Variants in CLDN16 observed in about 807,000 individuals in gnomAD.
CLDN16 encodes claudin 16.
In CLDN16, 13 loss-of-function variants were observed where a neutral mutation model predicts 24.6. The ratio of observed to expected loss-of-function variants is 0.53; its 90% CI spans 0.34 to 0.84. The LOEUF (loss-of-function observed/expected upper bound fraction) is 0.84. Ranked by LOEUF, CLDN16 falls within the 40% of genes least tolerant of loss-of-function variation. The pLI is 0.01. For missense variants in CLDN16, 298 were observed against 292.7 expected, an observed-to-expected ratio of 1.02 and a Z score of -0.13; for synonymous variants, 116 against 106.7, an observed-to-expected ratio of 1.09 and a Z score of -0.54.
intron 2 of CLDN16, among the ~76,000 whole-genome samples, chr3:190,404,467 A>C (rs988932085): frequency 6.6e-6 from 1 of 152,236 alleles, no homozygotes; most frequent in Admixed American, 6.5e-5. Context: ...AGTAGGAGGC[A>C]AAAAGGAAAA....
chr3:190,381,691 C>G (rs1304864155), intron 3 of CLDN16, among the ~76,000 whole-genome samples: 1 of 151,908 alleles, frequency 6.6e-6, no homozygotes, highest in Non-Finnish European at 1.5e-5. Context: ...TTTGTCACTC[C>G]AGAATGTTTA....
intron 1 of CLDN16, among the ~76,000 whole-genome samples, chr3:190,351,423 T>G (rs1228384166): frequency 6.6e-6 from 1 of 152,144 alleles, no homozygotes; most frequent in Admixed American, 6.6e-5. Context: ...AATCCCATCT[T>G]GAGAGCTGCT....
At chr3:190,312,769 T>G in the CLDN16 span, 3 of 1,299,492 alleles carry the variant, frequency 2.3e-6, no homozygotes, top group African/African-American at 4.4e-5. Flanking sequence ...GTTTGCAGTT[T>G]GCCTTAGAGA....
intron 1 of CLDN16, among the ~76,000 whole-genome samples, chr3:190,340,368 A>G (rs911918173): frequency 6.6e-6 from 1 of 152,184 alleles, no homozygotes; most frequent in Non-Finnish European, 1.5e-5. Context: ...TGCAGCGGGG[A>G]GGCCTCACAA....
At chr3:190,393,243 C>T (rs1410633670) in intron 1 of CLDN16, among the ~76,000 whole-genome samples, 2 of 152,140 alleles carry the variant, frequency 1.3e-5, no homozygotes, top group African/African-American at 4.8e-5. Context: ...TATACAGAAA[C>T]CTTCATGGAG....
chr3:190,402,353 G>A lies in CLDN16; in HGVS notation c.131G>A (p.Arg44Gln), dbSNP rs757395583. Residue 44 changes from arginine to glutamine, a missense_variant, in exon 2 of 5, where the codon CGA becomes CAA. Transcript: ENST00000264734. ...AACATCTAGGTGAGCACAAAATGCC[G>A]AGGCCTCTGGTGGGAATGCGTCACA... The part of the protein sequence containing the change: ...DDSLEVSTKC[R>Q]GLWWECVTNA... 3 of 1,613,928 alleles carry A rather than the reference G, an allele frequency of 1.9e-6. No individual in the cohort carries two copies. Among genetic ancestry groups the A allele is most frequent in the East Asian group, 2.2e-5 (1 of 44,830 alleles).
At chr3:190,322,371 T>TGGGGTC (rs1223184195), upstream of CLDN16, 1 of 679,090 alleles carries the variant, frequency 1.5e-6, no homozygotes, top group East Asian at 2.7e-5. Flanking sequence ...GGGTCGGGGT[T>TGGGGTC]GGGGTCCGCG....
Position 190,408,367 on chromosome 3 carries a change from C to T in CLDN16, c.436C>T (p.Arg146Cys), listed in dbSNP as rs758946923. ...VWYAVDVYVERSTLVLHNIFL... is the reference protein window; with the variant it reads ...VWYAVDVYVECSTLVLHNIFL... The stretch of plus-strand genomic sequence containing the variant: ...GTATGCTGTTGATGTGTATGTGGAA[C>T]GTTCTACTTTGGTTTTGCACAATAT... Residue 146 changes from arginine to cysteine, a missense_variant, in exon 4 of 5, where the codon CGT (arginine) becomes TGT (cysteine). Physicochemically the swap from Arg to Cys is radical, Grantham distance 180. Transcript: ENST00000264734. 5.6e-6 allele frequency: 9 copies of T among 1,614,060 alleles called. No homozygotes were observed. The highest frequency in any genetic ancestry group is 5.0e-5 in the Admixed American group (3 of 60,016).
intron 1 of CLDN16, among the ~76,000 whole-genome samples, chr3:190,352,779 C>G (rs1717695683): frequency 6.8e-6 from 1 of 147,260 alleles, no homozygotes; most frequent in African/African-American, 2.5e-5. Context: ...TATCGGGGCT[C>G]TGTTGTTTTC....
At chr3:190,293,092 T>C in the CLDN16 span, among the ~76,000 whole-genome samples, 1 of 152,220 alleles carries the variant, frequency 6.6e-6, no homozygotes, top group Non-Finnish European at 1.5e-5. Flanking sequence ...AGATGTTTAT[T>C]GGACTCACAG....
At chr3:190,358,665 T>C (rs1717825077) in intron 1 of CLDN16, among the ~76,000 whole-genome samples, 1 of 150,304 alleles carries the variant, frequency 6.7e-6, no homozygotes, top group Admixed American at 6.6e-5. Flanking sequence ...TCCTGCAAAA[T>C]TAAAAAAAAC....
intron 1 of CLDN16, among the ~76,000 whole-genome samples, chr3:190,357,937 A>G (rs9817314): frequency 0.93 from 140,575 of 151,838 alleles, 65,068 homozygotes; most frequent in East Asian, 1. Flanking sequence ...ATTCCTTCAC[A>G]GGAGAGATTG....
chr3:190,409,163 C>T (rs1719195048), intron 4 of CLDN16, among the ~76,000 whole-genome samples: 2 of 150,224 alleles, frequency 1.3e-5, no homozygotes, highest in Admixed American at 1.3e-4. Context: ...TAGGAATACA[C>T]CCATGTATAT....
chr3:190,368,684 A>T (rs1014223120), intron 1 of CLDN16, among the ~76,000 whole-genome samples: 1 of 151,938 alleles, frequency 6.6e-6, no homozygotes, highest in Non-Finnish European at 1.5e-5. Flanking sequence ...TATTTCCTGG[A>T]TGGTTAAATG....
At chr3:190,379,188 A>G (rs1367912873) in intron 3 of CLDN16, among the ~76,000 whole-genome samples, 1 of 152,080 alleles carries the variant, frequency 6.6e-6, no homozygotes, top group African/African-American at 2.4e-5. Flanking sequence ...ATATAAGCTA[A>G]AAAATTCTGA....
At chr3:190,308,617 C>T in the CLDN16 span, among the ~76,000 whole-genome samples, 1 of 151,988 alleles carries the variant, frequency 6.6e-6, no homozygotes, top group Non-Finnish European at 1.5e-5. Flanking sequence ...GTTTATATTG[C>T]AATTGGTGAC....
chr3:190,313,959 T>G, the CLDN16 span, among the ~76,000 whole-genome samples: 1 of 152,178 alleles, frequency 6.6e-6, no homozygotes, highest in Non-Finnish European at 1.5e-5. Flanking sequence ...GGTTAGAAGA[T>G]TTTGTTTAAA....
At chr3:190,399,261 T>C (rs1279403010) in intron 1 of CLDN16, among the ~76,000 whole-genome samples, 1 of 152,144 alleles carries the variant, frequency 6.6e-6, no homozygotes, top group African/African-American at 2.4e-5. Context: ...CCCAGCACTT[T>C]GGGAGGCCGA....
the CLDN16 span, chr3:190,308,507 G>A: frequency 2.8e-6 from 4 of 1,429,778 alleles, no homozygotes; most frequent in African/African-American, 2.9e-5. Flanking sequence ...ATAATAAAAG[G>A]AAAAAAAATC....
Sources: gnomAD v4.1 joint callset for allele counts (sites outside exome capture counted in the v4.1 genomes callset) on GRCh38, gnomAD v4.1.1 for gene constraint, MANE v1.5 for transcripts, NCBI Gene and HGNC (gene_info 2026-07-23, HGNC 2026-07-21) for gene names.